PFKFB3: variants seen among roughly 807,000 people sequenced by gnomAD.
The protein encoded by PFKFB3 is 6-phosphofructo-2-kinase/fructose-2,6-bisphosphatase 3.
Under a neutral mutation model 68.0 loss-of-function variants are expected in PFKFB3, and 33 were observed. That is an observed-to-expected ratio of 0.49 (90% CI 0.37 to 0.65). The LOEUF is 0.65. Among genes scored for constraint, PFKFB3 ranks in the 30% least tolerant of loss-of-function variants. PFKFB3 has a pLI of 0.00. For missense variants in PFKFB3, 586 were observed against 712.2 expected (o/e 0.82, Z 2.02); for synonymous variants, 315 against 288.2 (o/e 1.09, Z -0.94).
chr10:6,280,287 T>C, the PFKFB3 span, among the ~76,000 whole-genome samples: 2 of 152,244 alleles, frequency 1.3e-5, no homozygotes, highest in Non-Finnish European at 2.9e-5. Flanking sequence ...TTTGGATATG[T>C]AGACCATCCG....
chr10:6,219,563 T>G lies in PFKFB3; in HGVS notation c.499-6T>G. The G allele has an allele frequency of 6.2e-7, 1 of 1,614,038 alleles. No homozygotes were observed. ...ATTTATCAGCCACCCCTTTGTGGTG[T>G]TGCAGGAAGTTAAAATCTCCAGCCC... On this transcript the variant is annotated splice_region_variant and splice_polypyrimidine_tract_variant and intron_variant, in intron 6 of 14. Transcript: ENST00000379775.
chr10:6,247,790 A>G (rs1044178292), intron 14 of PFKFB3, among the ~76,000 whole-genome samples: 1 of 152,270 alleles, frequency 6.6e-6, no homozygotes, highest in African/African-American at 2.4e-5. Flanking sequence ...TGAATAAATC[A>G]ATAGTCTCAA....
chr10:6,304,255 T>A, the PFKFB3 span, among the ~76,000 whole-genome samples: 17 of 152,128 alleles, frequency 1.1e-4, no homozygotes. Context: ...CTAATGGATG[T>A]AACTGATGAC....
intron 1 of PFKFB3, among the ~76,000 whole-genome samples, chr10:6,212,063 G>T (rs796087788): frequency 3.3e-5 from 5 of 152,364 alleles, no homozygotes; most frequent in African/African-American, 1.2e-4. Context: ...CCTCTGTCCA[G>T]TCTGACATCT....
At chr10:6,244,749 C>A (rs1283808562) in intron 14 of PFKFB3, among the ~76,000 whole-genome samples, 2 of 152,054 alleles carry the variant, frequency 1.3e-5, no homozygotes, top group African/African-American at 4.8e-5. Flanking sequence ...ACTGGAAATG[C>A]CCTCATCACC....
the PFKFB3 span, among the ~76,000 whole-genome samples, chr10:6,300,891 G>A: frequency 4.6e-5 from 7 of 152,284 alleles, no homozygotes; most frequent in East Asian, 5.8e-4. Flanking sequence ...GGGTAATTAC[G>A]CAGGATTTGA....
At chr10:6,242,497 G>A (rs544830584) in intron 14 of PFKFB3, among the ~76,000 whole-genome samples, 6 of 152,272 alleles carry the variant, frequency 3.9e-5, no homozygotes, top group East Asian at 3.9e-4. Context: ...TTCCTCATGC[G>A]CCTTAACTAT....
downstream of PFKFB3, among the ~76,000 whole-genome samples, chr10:6,237,050 G>A (rs1216114735): frequency 6.6e-6 from 1 of 152,138 alleles, no homozygotes; most frequent in African/African-American, 2.4e-5. Flanking sequence ...GCAGGTCTTC[G>A]AACTTGCCAA....
At position 6,215,777 on chromosome 10, in the gene PFKFB3, G is replaced by A. The variant is rs538931371; in HGVS notation, c.300-348G>A. ...GGGTGTTCAGCCCCGGCTGTATGCT[G>A]GAGTCTCCTGGGGGATGCTAAAATC... On this transcript the variant is annotated intron_variant, in intron 3 of 14. Coordinates refer to ENST00000379775, the MANE Select transcript of PFKFB3 (RefSeq NM_004566.4). The surrounding 1 kb of genome is among the most constrained non-coding windows in gnomAD (Gnocchi z 4.3). Among the ~76,000 whole-genome samples the A allele has an allele frequency of 2.0e-5, 3 of 152,300 alleles. No homozygotes were observed. The highest frequency in any genetic ancestry group is 4.4e-5 in the Non-Finnish European group (3 of 68,008).
intron 1 of PFKFB3, among the ~76,000 whole-genome samples, chr10:6,155,707 C>T (rs940012794): frequency 6.6e-6 from 1 of 152,110 alleles, no homozygotes; most frequent in African/African-American, 2.4e-5. Flanking sequence ...CTGGCTTGTC[C>T]TGGTTTGTCC....
At position 6,233,864 on chromosome 10, in the gene PFKFB3, C is replaced by T. The variant is rs1359253430; in HGVS notation, c.*922C>T. Reference sequence around the variant, plus strand: ...GAACCTCTGAAGGTGGGGAGCGGAACACCTGGCATCCTTCCCCAGCACTTG... The same window carrying T: ...GAACCTCTGAAGGTGGGGAGCGGAATACCTGGCATCCTTCCCCAGCACTTG... On this transcript the variant is annotated 3_prime_UTR_variant, in exon 15 of 15. Coordinates refer to ENST00000379775, the MANE Select transcript of PFKFB3 (RefSeq NM_004566.4). The T allele has an allele frequency of 6.5e-6, 1 of 152,864 alleles. No individual in the cohort carries two copies. The highest frequency in any genetic ancestry group is 1.5e-5 in the Non-Finnish European group (1 of 68,184). The allele number at this position is 152,864 out of a possible 1,614,324, so 9.5% of individuals were successfully genotyped here.
Position 6,251,926 on chromosome 10 carries a change from C to T in PFKFB3, c.1516-2252C>T, listed in dbSNP as rs546157670. Among the ~76,000 whole-genome samples, 4 of 152,194 alleles carry T rather than the reference C, an allele frequency of 2.6e-5. No individual in the cohort carries two copies. The East Asian group carries it at 7.7e-4, about 29-fold the overall frequency. ...GAAATTGCAGTGAGCCAAGATTGTGCCACTGCACTCCAGCCTGGGTGACAG... is the reference window on the plus strand; with the variant it reads ...GAAATTGCAGTGAGCCAAGATTGTGTCACTGCACTCCAGCCTGGGTGACAG... On this transcript the variant is annotated intron_variant, in intron 14 of 14. Coordinates refer to the PFKFB3 transcript ENST00000640683.
the PFKFB3 span, among the ~76,000 whole-genome samples, chr10:6,322,149 T>C: frequency 6.6e-6 from 1 of 152,220 alleles, no homozygotes; most frequent in Non-Finnish European, 1.5e-5. Flanking sequence ...CAAATCTCCC[T>C]TTCTGCTTCA....
chr10:6,215,110 G>C lies in PFKFB3; in HGVS notation c.203-111G>C. 1.2e-6 allele frequency: 1 copy of C among 817,992 alleles called. No homozygotes were observed. The highest frequency in any genetic ancestry group is 2.1e-6 in the Non-Finnish European group (1 of 487,372). 50.7% of individuals were successfully genotyped at this position (817,992 alleles called of 1,614,324 possible). A position where few individuals can be genotyped will look rare whatever the true frequency, so the allele number is the denominator to read the frequency against. On this transcript the variant is annotated intron_variant, in intron 2 of 14. Transcript: ENST00000379775. This position sits in a 1 kb window ranked among gnomAD's most constrained non-coding sequence, Gnocchi z 4.3. ...ATTGCTTCCACACCATCTCATTCAA[G>C]TCGGTGTGGTTGGCCTGGTGGCTCT...
intron 1 of PFKFB3, among the ~76,000 whole-genome samples, chr10:6,157,390 C>G (rs1841838723): frequency 6.6e-6 from 1 of 152,038 alleles, no homozygotes; most frequent in African/African-American, 2.4e-5. Context: ...CCCCGCCCAG[C>G]TAATTTTTTG....
At chr10:6,206,613 G>C (rs1485299425) in intron 1 of PFKFB3, among the ~76,000 whole-genome samples, 2 of 150,746 alleles carry the variant, frequency 1.3e-5, no homozygotes, top group African/African-American at 2.5e-5. Context: ...GGACGGGGTG[G>C]CTGCCGGGCG....
At chr10:6,182,600 G>T (rs748810540) in intron 1 of PFKFB3, among the ~76,000 whole-genome samples, 1 of 152,302 alleles carries the variant, frequency 6.6e-6, no homozygotes, top group South Asian at 2.1e-4. Flanking sequence ...AGTAGGTCCC[G>T]AGCGGGAGTG....
At chr10:6,251,697 G>A (rs972256372) in intron 14 of PFKFB3, among the ~76,000 whole-genome samples, 1 of 152,184 alleles carries the variant, frequency 6.6e-6, no homozygotes, top group East Asian at 1.9e-4. Context: ...TTGGCTGGGT[G>A]CAGTGGCTCA....
chr10:6,311,673 C>T, the PFKFB3 span, among the ~76,000 whole-genome samples: 5 of 151,888 alleles, frequency 3.3e-5, no homozygotes, highest in Non-Finnish European at 7.4e-5. Flanking sequence ...CACTTGAACC[C>T]GGGAGGCGGA....
Sources: allele counts gnomAD v4.1 joint callset (sites outside exome capture counted in the v4.1 genomes callset), GRCh38; gene constraint gnomAD v4.1.1; non-coding constraint Gnocchi (gnomAD v3.1); transcripts MANE v1.5; gene names NCBI Gene and HGNC (gene_info 2026-07-23, HGNC 2026-07-21).